The following ROBO1 variants were observed in gnomAD, a reference collection of about 807,000 sequenced individuals.
The protein encoded by ROBO1 is roundabout guidance receptor 1.
ROBO1 carries 149 observed loss-of-function variants against 195.9 expected under a neutral mutation model. That is an observed-to-expected ratio of 0.76 (90% CI 0.67 to 0.87). The LOEUF (loss-of-function observed/expected upper bound fraction) is 0.87, where lower values mean the gene tolerates loss of function less well. ROBO1 is among the 40% of genes least tolerant of loss of function. The pLI, the probability that ROBO1 is intolerant of heterozygous loss-of-function variation, is 0.00. For synonymous variants in ROBO1, 816 were observed against 733.2 expected (o/e 1.11, Z -1.82); for missense variants, 1,933 against 2,068.3 (o/e 0.93, Z 1.27).
intron 3 of ROBO1, chr3:79,018,487 G>C (rs2078013129): frequency 1.2e-6 from 2 of 1,613,712 alleles, no homozygotes; most frequent in African/African-American, 1.3e-5. Flanking sequence ...CCTGTATACA[G>C]TCTCATGCCA....
chr3:78,974,916 C>G (rs1456101467), intron 3 of ROBO1, among the ~76,000 whole-genome samples: 1 of 151,992 alleles, frequency 6.6e-6, no homozygotes, highest in African/African-American at 2.4e-5. Flanking sequence ...AGGTAAAATT[C>G]TATATTAGAT....
intron 1 of ROBO1, among the ~76,000 whole-genome samples, chr3:79,665,979 G>C (rs1946465505): frequency 6.6e-6 from 1 of 151,508 alleles, no homozygotes; most frequent in Non-Finnish European, 1.5e-5. Context: ...AGGACACAAG[G>C]GTCTCTAATT....
intron 21 of ROBO1, among the ~76,000 whole-genome samples, chr3:78,640,322 A>T (rs1374693667): frequency 3.9e-5 from 6 of 152,216 alleles, no homozygotes; most frequent in Non-Finnish European, 8.8e-5. Context: ...TAAAAAATGA[A>T]ACAAGCCTCT....
chr3:78,844,997 A>G (rs2033555485), intron 4 of ROBO1, among the ~76,000 whole-genome samples: 1 of 152,214 alleles, frequency 6.6e-6, no homozygotes, highest in African/African-American at 2.4e-5. Context: ...TCTGATATCA[A>G]CTTTAGTCTT....
intron 4 of ROBO1, among the ~76,000 whole-genome samples, chr3:78,892,177 T>C (rs1018997737): frequency 2.0e-5 from 3 of 152,204 alleles, no homozygotes; most frequent in African/African-American, 7.2e-5. Context: ...CTGGGCAACA[T>C]GGCAAAACCC....
intron 10 of ROBO1, among the ~76,000 whole-genome samples, chr3:78,673,609 C>CAA (rs2107737870): frequency 1.3e-5 from 1 of 76,400 alleles, no homozygotes; most frequent in African/African-American, 4.6e-5. Flanking sequence ...TATATATACA[C>CAA]ACATATATTA....
At chr3:78,922,928 A>G (rs2039023643) in intron 4 of ROBO1, among the ~76,000 whole-genome samples, 2 of 152,116 alleles carry the variant, frequency 1.3e-5, no homozygotes, top group South Asian at 4.2e-4. Context: ...AGGCACTAAG[A>G]CTGCAGTTTT....
intron 4 of ROBO1, among the ~76,000 whole-genome samples, chr3:78,769,617 G>GTTTTTTTTTTTTTTTTTTTTTTTTTT (rs1559836189): frequency 4.1e-5 from 3 of 72,922 alleles, no homozygotes; most frequent in Non-Finnish European, 5.7e-5. Context: ...AGTGTACTTT[G>GTTTTTTTTTTTTTTTTTTTTTTTTTT]GTTTTTTTTT....
intron 1 of ROBO1, among the ~76,000 whole-genome samples, chr3:79,675,020 G>A (rs555748083): frequency 6.6e-5 from 10 of 151,920 alleles, no homozygotes; most frequent in Admixed American, 3.9e-4. Context: ...AAGTAAAAAT[G>A]TCATTTCAAT....
At chr3:78,987,809 C>T (rs1029263472) in intron 3 of ROBO1, among the ~76,000 whole-genome samples, 52 of 151,908 alleles carry the variant, frequency 3.4e-4, no homozygotes, top group African/African-American at 1.1e-3. Context: ...GTGATGGATA[C>T]CCCCATTTAC....
At chr3:78,663,239 G>A (rs905036805) in intron 14 of ROBO1, among the ~76,000 whole-genome samples, 1 of 151,338 alleles carries the variant, frequency 6.6e-6, no homozygotes, top group Non-Finnish European at 1.5e-5. Flanking sequence ...AAGTGGAAGA[G>A]ATGACATCGA....
intron 3 of ROBO1, among the ~76,000 whole-genome samples, chr3:79,012,519 C>A (rs2077807410): frequency 6.6e-6 from 1 of 152,200 alleles, no homozygotes; most frequent in Admixed American, 6.5e-5. Context: ...ATATTATTTT[C>A]CGGCTCTAAG....
At chr3:79,659,997 T>A (rs1247001509) in intron 1 of ROBO1, among the ~76,000 whole-genome samples, 1 of 151,874 alleles carries the variant, frequency 6.6e-6, no homozygotes, top group Admixed American at 6.6e-5. Flanking sequence ...GGCTGCTTAG[T>A]GGAAAGTTGA....
chr3:79,546,547 C>T (rs1942271519), intron 2 of ROBO1, among the ~76,000 whole-genome samples: 1 of 152,104 alleles, frequency 6.6e-6, no homozygotes, highest in Non-Finnish European at 1.5e-5. Context: ...GTTTAGAAAG[C>T]CCTGCTGCTG....
chr3:79,049,810 T>TGGA (rs2078662753), intron 3 of ROBO1, among the ~76,000 whole-genome samples: 1 of 150,848 alleles, frequency 6.6e-6, no homozygotes, highest in South Asian at 2.1e-4. Flanking sequence ...GCTTCATAAG[T>TGGA]GGAGAAATAA....
intron 4 of ROBO1, among the ~76,000 whole-genome samples, chr3:78,818,451 G>A (rs537272739): frequency 2.6e-5 from 4 of 152,306 alleles, no homozygotes; most frequent in South Asian, 2.1e-4. Flanking sequence ...TGCCCATGAC[G>A]ATTTGTGGAA....
chr3:78,899,588 C>A lies in ROBO1; in HGVS notation c.499+39013G>T, dbSNP rs190086289. 1.3e-3 allele frequency among the ~76,000 whole-genome samples: 198 copies of A among 152,154 alleles called. 6 individuals are homozygous for A. The highest frequency in any genetic ancestry group is 4.4e-5 in the Non-Finnish European group (3 of 67,986). On this transcript the variant is annotated intron_variant, in intron 4 of 30. Transcript: ENST00000464233. ...AATTTTTAAACAACCATAAATATGGCATTGCTATAAAGTAACAGGAAAAAT... is the reference window on the plus strand; with the variant it reads ...AATTTTTAAACAACCATAAATATGGAATTGCTATAAAGTAACAGGAAAAAT...
At chr3:79,737,267 C>G (rs989414152) in intron 1 of ROBO1, among the ~76,000 whole-genome samples, 1 of 152,036 alleles carries the variant, frequency 6.6e-6, no homozygotes. Flanking sequence ...CTATGAATTA[C>G]ATAATAAGCA....
chr3:79,098,149 A>T (rs1452818314), intron 3 of ROBO1, among the ~76,000 whole-genome samples: 1 of 151,852 alleles, frequency 6.6e-6, no homozygotes, highest in Non-Finnish European at 1.5e-5. Flanking sequence ...GATGAGATTT[A>T]TAGGCTGAGG....
Sources: gnomAD v4.1 joint callset for allele counts (sites outside exome capture counted in the v4.1 genomes callset) on GRCh38, gnomAD v4.1.1 for gene constraint, MANE v1.5 for transcripts, NCBI Gene and HGNC (gene_info 2026-07-23, HGNC 2026-07-21) for gene names.